Variants in PTPRJ observed in about 807,000 individuals in gnomAD.
PTPRJ encodes protein tyrosine phosphatase receptor type J.
In PTPRJ, 129 loss-of-function variants were observed where a neutral mutation model predicts 141.3. That is an observed-to-expected ratio of 0.91 (90% CI 0.79 to 1.06). The LOEUF is 1.06. Among genes scored for constraint, PTPRJ ranks in the 50% least tolerant of loss-of-function variants. The pLI, the probability that PTPRJ is intolerant of heterozygous loss-of-function variation, is 0.00. For missense variants in PTPRJ, 1,601 were observed against 1,679.7 expected, an observed-to-expected ratio of 0.95 and a Z score of 0.82; for synonymous variants, 610 against 640.5, an observed-to-expected ratio of 0.95 and a Z score of 0.72.
At chr11:47,990,709 G>C (rs887638261) in intron 1 of PTPRJ, among the ~76,000 whole-genome samples, 2 of 145,328 alleles carry the variant, frequency 1.4e-5, no homozygotes, top group Non-Finnish European at 3.0e-5. Context: ...TTTTGGAGAC[G>C]GAGTCTCACC....
intron 1 of PTPRJ, among the ~76,000 whole-genome samples, chr11:48,021,751 C>T (rs1855130798): frequency 6.6e-6 from 1 of 152,204 alleles, no homozygotes; most frequent in South Asian, 2.1e-4. Flanking sequence ...ATTGTCATCT[C>T]CAGTGCAATT....
chr11:48,143,997 T>C (rs1857294683), intron 12 of PTPRJ, among the ~76,000 whole-genome samples: 1 of 151,760 alleles, frequency 6.6e-6, no homozygotes, highest in East Asian at 1.9e-4. Flanking sequence ...GGGACTAGAC[T>C]ACAGGCATGA....
At position 47,981,027 on chromosome 11, in the gene PTPRJ, CGGGCGGG is replaced by C; in HGVS notation, c.96+24_96+30del. 1 of 259,456 alleles carries C rather than the reference CGGGCGGG, an allele frequency of 3.9e-6. No homozygotes were observed. Among genetic ancestry groups the C allele is most frequent in the Non-Finnish European group, 6.2e-6 (1 of 162,506 alleles). The allele number at this position is 259,456 out of a possible 1,614,324, so 16.1% of individuals were successfully genotyped here. On this transcript the variant is annotated intron_variant, in intron 1 of 24. Coordinates refer to ENST00000418331, the MANE Select transcript of PTPRJ (RefSeq NM_002843.4). ...GGGCCAGGTAAGCGCCGGGTGGGCT[CGGGCGGG>C]GGGCAGGAGGCTGGGGCGGGACTGG...
At chr11:48,102,430 C>T (rs1856171736) in intron 1 of PTPRJ, among the ~76,000 whole-genome samples, 1 of 151,444 alleles carries the variant, frequency 6.6e-6, no homozygotes, top group Non-Finnish European at 1.5e-5. Flanking sequence ...TTTTTTGAGA[C>T]AGAGTTTTGC....
At chr11:48,021,423 A>AT (rs1855121200) in intron 1 of PTPRJ, among the ~76,000 whole-genome samples, 1 of 149,930 alleles carries the variant, frequency 6.7e-6, no homozygotes, top group Non-Finnish European at 1.5e-5. Context: ...AAATAAATAA[A>AT]ATAAAATAAA....
At chr11:48,033,078 C>T (rs1453645056) in intron 1 of PTPRJ, among the ~76,000 whole-genome samples, 1 of 151,392 alleles carries the variant, frequency 6.6e-6, no homozygotes, top group Admixed American at 6.6e-5. Flanking sequence ...ACAAGTCTAA[C>T]ATCAGGTAGA....
At chr11:48,129,660 A>G (rs550413930) in intron 7 of PTPRJ, among the ~76,000 whole-genome samples, 2 of 152,222 alleles carry the variant, frequency 1.3e-5, no homozygotes, top group East Asian at 1.9e-4. Flanking sequence ...GACCCCCTGG[A>G]GAGTCACCAC....
chr11:48,060,444 A>G (rs1394817035), intron 1 of PTPRJ, among the ~76,000 whole-genome samples: 1 of 151,972 alleles, frequency 6.6e-6, no homozygotes, highest in Non-Finnish European at 1.5e-5. Context: ...ATCCAAACTC[A>G]TGTTGCCACA....
At chr11:48,149,872 C>T in intron 16 of PTPRJ, 118 bp from the exon 17 acceptor site, 3 of 732,576 alleles carry the variant, frequency 4.1e-6, no homozygotes, top group East Asian at 2.7e-5. Context: ...ACTCTGACCC[C>T]CTCTTGCCAA....
intron 1 of PTPRJ, among the ~76,000 whole-genome samples, chr11:48,010,344 A>G (rs1313022943): frequency 6.6e-6 from 1 of 151,188 alleles, no homozygotes; most frequent in Non-Finnish European, 1.5e-5. Flanking sequence ...CGCCCGGCTT[A>G]TTTTTTATAT....
chr11:48,091,503 T>A (rs1855866245), intron 1 of PTPRJ, among the ~76,000 whole-genome samples: 1 of 152,184 alleles, frequency 6.6e-6, no homozygotes, highest in Non-Finnish European at 1.5e-5. Context: ...TAGTTAGGGG[T>A]GTTTGGTGAC....
At chr11:48,017,844 A>T (rs1478543375) in intron 1 of PTPRJ, among the ~76,000 whole-genome samples, 1 of 152,246 alleles carries the variant, frequency 6.6e-6, no homozygotes, top group Non-Finnish European at 1.5e-5. Context: ...AGCTTTGGGC[A>T]GTGACACCAG....
intron 3 of PTPRJ, among the ~76,000 whole-genome samples, chr11:48,117,423 C>T (rs1401410392): frequency 6.6e-6 from 1 of 151,436 alleles, no homozygotes; most frequent in African/African-American, 2.4e-5. Flanking sequence ...CACCTGTAAT[C>T]CCAGCTACTA....
At chr11:48,078,717 A>G (rs1466085899) in intron 1 of PTPRJ, among the ~76,000 whole-genome samples, 1 of 151,922 alleles carries the variant, frequency 6.6e-6, no homozygotes, top group Non-Finnish European at 1.5e-5. Flanking sequence ...ACCTTATTAA[A>G]TGGTTGAAAA....
At chr11:47,992,111 A>G (rs753770424) in intron 1 of PTPRJ, among the ~76,000 whole-genome samples, 1 of 151,912 alleles carries the variant, frequency 6.6e-6, no homozygotes, top group Non-Finnish European at 1.5e-5. Context: ...GACTTGTCCA[A>G]TTCAGGTTTC....
chr11:48,123,899 C>G (rs757095503), intron 5 of PTPRJ, 29 bp downstream of exon 5: 1 of 1,590,234 alleles, frequency 6.3e-7, no homozygotes, highest in Non-Finnish European at 8.6e-7. Flanking sequence ...CTTCCGTCTC[C>G]CTTACTGGTT....
Position 48,153,857 on chromosome 11 carries a change from G to C in PTPRJ, c.3200G>C (p.Gly1067Ala), listed in dbSNP as rs1428403990. The change falls in exon 19 of 25, where the codon GGA (glycine) becomes GCA (alanine). Residue 1067 changes from glycine (G) to alanine (A), a missense_variant. Gly to Ala is a moderately conservative substitution (Grantham distance 60). Coordinates refer to ENST00000418331, the MANE Select transcript of PTPRJ (RefSeq NM_002843.4). ...GCAGCAGAACTGGCTGAGAATAGAG[G>C]AAAGAATCGCTATAATAATGTTCTG... Reference protein sequence around the residue: ...KYAAELAENRGKNRYNNVLPY... With the variant: ...KYAAELAENRAKNRYNNVLPY... 2.5e-6 allele frequency: 4 copies of C among 1,613,430 alleles called. No homozygotes were observed. Among genetic ancestry groups the C allele is most frequent in the Admixed American group, 1.7e-5 (1 of 60,014 alleles).
chr11:48,076,395 C>T (rs934529485), intron 1 of PTPRJ, among the ~76,000 whole-genome samples: 4 of 152,086 alleles, frequency 2.6e-5, no homozygotes, highest in Non-Finnish European at 2.9e-5. Context: ...TTCTTTGTTT[C>T]ATATATAAAA....
chr11:48,022,913 TGG>T (rs1419796326), intron 1 of PTPRJ, among the ~76,000 whole-genome samples: 2 of 151,910 alleles, frequency 1.3e-5, no homozygotes, highest in Middle Eastern at 3.4e-3. Flanking sequence ...GGGAAGCTGG[TGG>T]GGATAGGCCT....
Sources: allele counts gnomAD v4.1 joint callset (sites outside exome capture counted in the v4.1 genomes callset), GRCh38; gene constraint gnomAD v4.1.1; transcripts MANE v1.5; gene names NCBI Gene and HGNC (gene_info 2026-07-23, HGNC 2026-07-21).